Variants in DPYD observed in about 807,000 individuals in gnomAD.
The protein encoded by DPYD is dihydropyrimidine dehydrogenase [NADP(+)].
Under a neutral mutation model 116.2 loss-of-function variants are expected in DPYD, and 109 were observed. The observed-to-expected ratio is 0.94, with a 90% CI of 0.80 to 1.10. The LOEUF is 1.10. Among genes scored for constraint, DPYD ranks in the 50% least tolerant of loss-of-function variants. The pLI is 0.00. For missense variants in DPYD, 1,302 were observed against 1,254.5 expected (o/e 1.04, Z -0.57); for synonymous variants, 440 against 432.0 (o/e 1.02, Z -0.23).
chr1:97,373,298 C>CT (rs1350308894), intron 16 of DPYD, among the ~76,000 whole-genome samples: 1 of 152,156 alleles, frequency 6.6e-6, no homozygotes, highest in African/African-American at 2.4e-5. Flanking sequence ...TGCTTCAGCG[C>CT]TTTTAAAAAC....
intron 20 of DPYD, among the ~76,000 whole-genome samples, chr1:97,116,777 T>C (rs181161342): frequency 7.3e-4 from 111 of 152,254 alleles, no homozygotes; most frequent in African/African-American, 2.6e-3. Context: ...GGATTAATTT[T>C]TGTACACAAT....
At chr1:97,837,488 G>A (rs1571443134) in intron 2 of DPYD, among the ~76,000 whole-genome samples, 1 of 152,070 alleles carries the variant, frequency 6.6e-6, no homozygotes, top group Non-Finnish European at 1.5e-5. Flanking sequence ...CACAGTCCTT[G>A]GACTCCATCT....
chr1:97,375,698 G>T (rs1275517365), intron 15 of DPYD, among the ~76,000 whole-genome samples: 1 of 152,200 alleles, frequency 6.6e-6, no homozygotes, highest in Non-Finnish European at 1.5e-5. Context: ...GTCTCCAGCT[G>T]CTCAAGTGTC....
intron 1 of DPYD, among the ~76,000 whole-genome samples, chr1:97,886,566 A>G (rs1469576151): frequency 6.6e-6 from 1 of 152,094 alleles, no homozygotes; most frequent in Admixed American, 6.6e-5. Context: ...TTGCTCATAA[A>G]GCAGAAATTT....
chr1:97,581,745 CAAAAAAAAAA>C (rs1226325704), intron 10 of DPYD, among the ~76,000 whole-genome samples: 4 of 63,568 alleles, frequency 6.3e-5, no homozygotes, highest in African/African-American at 5.8e-5. Context: ...GATCCTGTCT[CAAAAAAAAAA>C]AAAAAAAAAA....
chr1:97,834,752 T>C (rs1284094362), intron 2 of DPYD, among the ~76,000 whole-genome samples: 2 of 151,446 alleles, frequency 1.3e-5, no homozygotes, highest in African/African-American at 4.9e-5. Flanking sequence ...TCCTAAGGTC[T>C]AGGTTCCTCT....
intron 19 of DPYD, among the ~76,000 whole-genome samples, chr1:97,233,892 A>C (rs1425069255): frequency 1.3e-5 from 2 of 152,262 alleles, no homozygotes. Context: ...TCTTGGAAGC[A>C]GAAGTCTGCC....
chr1:97,757,062 C>A (rs1191653622), intron 3 of DPYD, among the ~76,000 whole-genome samples: 1 of 152,134 alleles, frequency 6.6e-6, no homozygotes, highest in Non-Finnish European at 1.5e-5. Flanking sequence ...TGTAAGCTAA[C>A]TGTATCCCCA....
chr1:97,471,760 T>C (rs1557735520), intron 13 of DPYD, among the ~76,000 whole-genome samples: 1 of 152,026 alleles, frequency 6.6e-6, no homozygotes, highest in Non-Finnish European at 1.5e-5. Context: ...CAGCTAATTT[T>C]TGTATTTTTA....
chr1:97,447,760 TACA>T (rs950009771), intron 14 of DPYD, among the ~76,000 whole-genome samples: 6 of 152,024 alleles, frequency 3.9e-5, no homozygotes, highest in East Asian at 3.9e-4. Context: ...TGGTCATTAT[TACA>T]ACAACTTACT....
chr1:97,804,784 G>C (rs1668005643), intron 3 of DPYD, among the ~76,000 whole-genome samples: 1 of 151,744 alleles, frequency 6.6e-6, no homozygotes, highest in Non-Finnish European at 1.5e-5. Flanking sequence ...TCATCTCTTA[G>C]GATTTGTAAA....
chr1:97,164,033 T>C (rs1334163937), intron 20 of DPYD, among the ~76,000 whole-genome samples: 1 of 152,168 alleles, frequency 6.6e-6, no homozygotes, highest in Admixed American at 6.6e-5. Flanking sequence ...TTCAACAAAA[T>C]ACTGGCAAAC....
intron 16 of DPYD, among the ~76,000 whole-genome samples, chr1:97,371,781 A>G (rs1671322360): frequency 6.6e-6 from 1 of 152,230 alleles, no homozygotes; most frequent in Non-Finnish European, 1.5e-5. Flanking sequence ...GAAAATTTCT[A>G]AACTTGGCTG....
At chr1:97,222,808 A>G (rs1660864335) in intron 19 of DPYD, among the ~76,000 whole-genome samples, 1 of 152,112 alleles carries the variant, frequency 6.6e-6, no homozygotes, top group Admixed American at 6.5e-5. Context: ...GGAAAGAAAA[A>G]ATATTTCTCT....
intron 19 of DPYD, among the ~76,000 whole-genome samples, chr1:97,199,599 T>C (rs964835363): frequency 1.3e-5 from 2 of 152,080 alleles, no homozygotes; most frequent in African/African-American, 2.4e-5. Context: ...AGGAAAGGCA[T>C]GGACCTTATT....
chr1:97,386,048 G>A (rs1672323889), intron 14 of DPYD, among the ~76,000 whole-genome samples: 1 of 152,054 alleles, frequency 6.6e-6, no homozygotes, highest in Non-Finnish European at 1.5e-5. Context: ...TGGTGGGGCA[G>A]CCTCTGACTG....
At chr1:97,250,460 T>C (rs1663014593) in intron 18 of DPYD, among the ~76,000 whole-genome samples, 1 of 151,980 alleles carries the variant, frequency 6.6e-6, no homozygotes, top group African/African-American at 2.4e-5. Flanking sequence ...GCCTTACCCA[T>C]AACAGCTCAA....
intron 8 of DPYD, among the ~76,000 whole-genome samples, chr1:97,617,763 A>G (rs1016391850): frequency 6.6e-6 from 1 of 152,194 alleles, no homozygotes; most frequent in African/African-American, 2.4e-5. Context: ...CATCAGCACC[A>G]TGTGAGAAAT....
chr1:97,782,189 A>C (rs1666784645), intron 3 of DPYD, among the ~76,000 whole-genome samples: 2 of 152,184 alleles, frequency 1.3e-5, no homozygotes, highest in Non-Finnish European at 2.9e-5. Flanking sequence ...TACATGATTA[A>C]ACCACTGCAA....
Sources: allele counts gnomAD v4.1 joint callset (sites outside exome capture counted in the v4.1 genomes callset), GRCh38; gene constraint gnomAD v4.1.1; transcripts MANE v1.5; gene names NCBI Gene and HGNC (gene_info 2026-07-23, HGNC 2026-07-21).